The following TRAF5 variants were observed in gnomAD, a reference collection of about 807,000 sequenced individuals.
TRAF5 encodes the protein TNF receptor associated factor 5, also known as TNF receptor-associated factor 5.
Under a neutral mutation model 64.5 loss-of-function variants are expected in TRAF5, and 48 were observed. That is an observed-to-expected ratio of 0.74 (90% CI 0.59 to 0.95). TRAF5 has a LOEUF of 0.95. Among genes scored for constraint, TRAF5 ranks in the 40% least tolerant of loss-of-function variants. The probability of loss-of-function intolerance (pLI) is 0.00; values close to 1 mark genes in which losing one functional copy is unlikely to be tolerated. For missense variants in TRAF5, 545 were observed against 662.8 expected (o/e 0.82, Z 1.95); for synonymous variants, 206 against 240.5 (o/e 0.86, Z 1.33).
At position 211,371,331 on chromosome 1, in the gene TRAF5, T is replaced by C; in HGVS notation, c.960T>C (p.Ala320=). ...TTGCCAGTCACATTGACAAGTCAGCTTGGCTAGAAGCTCAAGTGCATCAAT... is the reference window on the plus strand; with the variant it reads ...TTGCCAGTCACATTGACAAGTCAGCCTGGCTAGAAGCTCAAGTGCATCAAT... ...QVFASHIDKS[A]WLEAQVHQLL... Residue 320 remains alanine (A), a synonymous_variant, in exon 10 of 11, where the codon GCT becomes GCC. Coordinates refer to ENST00000261464, the MANE Select transcript of TRAF5 (RefSeq NM_001033910.3). 6.2e-7 allele frequency: 1 copy of C among 1,600,468 alleles called. No homozygotes were observed. Among genetic ancestry groups the C allele is most frequent in the African/African-American group, 1.3e-5 (1 of 74,256 alleles).
chr1:211,372,811 C>A lies in TRAF5; in HGVS notation c.*109C>A. ...TAGACTCAAAGCACATTTGTATTTG[C>A]CTTTTTCCTTAACGTTTGAAGTCAG... On this transcript the variant is annotated 3_prime_UTR_variant, in exon 11 of 11. Transcript: ENST00000261464. The A allele has an allele frequency of 9.7e-7, 1 of 1,027,754 alleles. No individual in the cohort carries two copies. The highest frequency in any genetic ancestry group is 1.4e-6 in the Non-Finnish European group (1 of 701,056). 63.7% of individuals were successfully genotyped at this position (1,027,754 alleles called of 1,614,324 possible). A position where few individuals can be genotyped will look rare whatever the true frequency, so the allele number is the denominator to read the frequency against.
chr1:211,366,635 ATGT>A (rs560230611), intron 8 of TRAF5, among the ~76,000 whole-genome samples: 30 of 152,316 alleles, frequency 2.0e-4, no homozygotes, highest in Middle Eastern at 3.4e-3. Flanking sequence ...ATCAGTTAAA[ATGT>A]TGTGGAAGAA....
chr1:211,337,618 C>G (rs1009907396), intron 1 of TRAF5, among the ~76,000 whole-genome samples: 2 of 152,150 alleles, frequency 1.3e-5, no homozygotes, highest in African/African-American at 2.4e-5. Context: ...AGCTAGGAGA[C>G]TGATGCAATA....
intron 1 of TRAF5, among the ~76,000 whole-genome samples, chr1:211,352,637 A>T (rs1702828284): frequency 6.6e-6 from 1 of 151,888 alleles, no homozygotes; most frequent in African/African-American, 2.4e-5. Flanking sequence ...GAAAAAAAGA[A>T]AAAAAGTATT....
chr1:211,360,306 T>C (rs866888697), intron 5 of TRAF5: 1 of 540,744 alleles, frequency 1.8e-6, no homozygotes. Context: ...ATGCTGTGTA[T>C]GTGTAATGAA....
intron 1 of TRAF5, among the ~76,000 whole-genome samples, chr1:211,331,734 C>T (rs1052672648): frequency 7.2e-5 from 11 of 152,014 alleles, no homozygotes; most frequent in African/African-American, 2.2e-4. Flanking sequence ...GGCACAGTCT[C>T]AGCTCACTGC....
chr1:211,367,921 G>A (rs929337175), intron 8 of TRAF5, among the ~76,000 whole-genome samples: 1 of 152,042 alleles, frequency 6.6e-6, no homozygotes, highest in African/African-American at 2.4e-5. Flanking sequence ...CAATTTAATG[G>A]AGAAGACCAA....
At chr1:211,362,116 T>G (rs1486820722) in intron 7 of TRAF5, among the ~76,000 whole-genome samples, 1 of 152,184 alleles carries the variant, frequency 6.6e-6, no homozygotes, top group Non-Finnish European at 1.5e-5. Context: ...CCAAGTATAC[T>G]GAAACAAAAT....
chr1:211,334,907 T>C (rs1702250356), intron 1 of TRAF5, among the ~76,000 whole-genome samples: 1 of 152,150 alleles, frequency 6.6e-6, no homozygotes, highest in Non-Finnish European at 1.5e-5. Context: ...ACTATAGTTA[T>C]GTTGTAGAGA....
In TRAF5 at chr1:211,372,233, A is replaced by C. The variant is rs1181006274; in HGVS notation, c.1205A>C (p.Tyr402Ser). 1 of 1,614,100 alleles carries C rather than the reference A, an allele frequency of 6.2e-7. No individual in the cohort carries two copies. Among genetic ancestry groups the C allele is most frequent in the South Asian group, 1.1e-5 (1 of 91,078 alleles). The change falls in exon 11 of 11, where the codon TAT (tyrosine) becomes TCT (serine). Residue 402 changes from tyrosine to serine, a missense_variant. Transcript: ENST00000261464. ...TTTAAACTGCTGGAGGGTACTTGCTATAATGGAAAGCTCATTTGGAAGGTG... is the reference window on the plus strand; with the variant it reads ...TTTAAACTGCTGGAGGGTACTTGCTCTAATGGAAAGCTCATTTGGAAGGTG... The part of the protein sequence containing the change: ...ERFKLLEGTC[Y>S]NGKLIWKVTD...
intron 1 of TRAF5, among the ~76,000 whole-genome samples, chr1:211,328,772 A>G (rs1422805238): frequency 2.6e-5 from 4 of 152,208 alleles, no homozygotes; most frequent in African/African-American, 4.8e-5. Context: ...ATTTGTTTGT[A>G]AAGCTCGTTC....
intron 1 of TRAF5, among the ~76,000 whole-genome samples, chr1:211,350,717 A>G (rs1193783955): frequency 6.6e-6 from 1 of 152,244 alleles, no homozygotes; most frequent in Non-Finnish European, 1.5e-5. Flanking sequence ...ATAAGAAAGC[A>G]CCATAGACTA....
intron 1 of TRAF5, among the ~76,000 whole-genome samples, chr1:211,339,701 G>T (rs1419118829): frequency 6.6e-6 from 1 of 152,236 alleles, no homozygotes; most frequent in Non-Finnish European, 1.5e-5. Context: ...CTGCCTGTAT[G>T]TGGGCAGGGC....
chr1:211,337,237 C>T (rs1446184870), intron 1 of TRAF5, among the ~76,000 whole-genome samples: 1 of 152,190 alleles, frequency 6.6e-6, no homozygotes, highest in Non-Finnish European at 1.5e-5. Context: ...GGGTGGTCAG[C>T]AAAGGCCTCC....
intron 3 of TRAF5, 102 bp downstream of exon 3, chr1:211,354,569 C>A: frequency 8.3e-7 from 1 of 1,197,940 alleles, no homozygotes; most frequent in Non-Finnish European, 1.2e-6. Context: ...CGAGGGAGAC[C>A]TTCCTTGGAG....
chr1:211,360,836 T>C (rs535583378), intron 6 of TRAF5, 57 bp downstream of exon 6: 6 of 1,509,814 alleles, frequency 4.0e-6, no homozygotes, highest in Admixed American at 1.7e-5. Flanking sequence ...TTAGTAATCA[T>C]TGTGGTCTGT....
intron 1 of TRAF5, among the ~76,000 whole-genome samples, chr1:211,339,145 AGTT>A (rs1702380542): frequency 6.6e-6 from 1 of 152,244 alleles, no homozygotes; most frequent in African/African-American, 2.4e-5. Flanking sequence ...ATTTGGGGAA[AGTT>A]GTTTAACAAC....
chr1:211,358,490 A>AC (rs1491317412), intron 4 of TRAF5: 1 of 129,310 alleles, frequency 7.7e-6, no homozygotes, highest in East Asian at 3.0e-4. Context: ...AAAAAAAAAA[A>AC]CAAAAAAAAA....
intron 7 of TRAF5, among the ~76,000 whole-genome samples, chr1:211,361,704 T>TG (rs935572795): frequency 7.0e-6 from 1 of 142,262 alleles, no homozygotes; most frequent in African/African-American, 2.7e-5. Context: ...TTTTTTTTTT[T>TG]TTTTTTTTTT....
Sources: allele counts gnomAD v4.1 joint callset (sites outside exome capture counted in the v4.1 genomes callset), GRCh38; gene constraint gnomAD v4.1.1; transcripts MANE v1.5; gene names NCBI Gene and HGNC (gene_info 2026-07-23, HGNC 2026-07-21).